The following NEB variants were observed in gnomAD, a reference collection of about 807,000 sequenced individuals.
NEB encodes nemaline myopathy type 2.
In NEB, 512 loss-of-function variants were observed where a neutral mutation model predicts 952.2. The ratio of observed to expected loss-of-function variants is 0.54; its 90% CI spans 0.50 to 0.58. NEB has a LOEUF of 0.58. Ranked by LOEUF, NEB falls within the 20% of genes least tolerant of loss-of-function variation. NEB has a pLI of 0.00. For synonymous variants in NEB, 2,900 were observed against 3,149.8 expected (o/e 0.92, Z 2.66); for missense variants, 8,428 against 9,231.1 (o/e 0.91, Z 3.56).
chr2:151,541,631 A>C, intron 135 of NEB, 80 bp from the exon 136 acceptor site: 1 of 1,134,554 alleles, frequency 8.8e-7, no homozygotes, highest in Non-Finnish European at 1.3e-6. Flanking sequence ...CACTGCTTTT[A>C]CATAGAAAAG....
chr2:151,564,093 G>T (rs2096247579), intron 117 of NEB, among the ~76,000 whole-genome samples, 163 bp from the exon 118 acceptor site: 1 of 151,782 alleles, frequency 6.6e-6, no homozygotes, highest in African/African-American at 2.4e-5. Flanking sequence ...CAGTTATTTG[G>T]TTTATTGCAA....
At chr2:151,513,522 A>G (rs372005148) in intron 160 of NEB, 58 bp downstream of exon 160, 5 of 1,248,338 alleles carry the variant, frequency 4.0e-6, no homozygotes, top group East Asian at 2.5e-5. Flanking sequence ...GGGACACTTT[A>G]TGTCCTTAAA....
chr2:151,666,441 A>G (rs2099217883), intron 40 of NEB, 40 bp from the exon 41 acceptor site: 1 of 1,581,350 alleles, frequency 6.3e-7, no homozygotes, highest in Non-Finnish European at 8.6e-7. Context: ...TGGCTAGCAT[A>G]GAAGTCTGAT....
At chr2:151,711,789 A>T (rs1270510971) in intron 10 of NEB, among the ~76,000 whole-genome samples, 1 of 152,202 alleles carries the variant, frequency 6.6e-6, no homozygotes, top group Non-Finnish European at 1.5e-5. Flanking sequence ...TAGGGTATAA[A>T]AATTGTAATA....
intron 17 of NEB, 55 bp downstream of exon 17, chr2:151,696,582 G>T: frequency 1.5e-6 from 2 of 1,319,114 alleles, no homozygotes; most frequent in Non-Finnish European, 2.2e-6. Context: ...TATGTATAGA[G>T]TTATGAAATG....
chr2:151,697,726 C>T, intron 13 of NEB, 78 bp from the exon 14 acceptor site: 1 of 924,836 alleles, frequency 1.1e-6, no homozygotes, highest in Non-Finnish European at 1.6e-6. Flanking sequence ...TTTTCTAACA[C>T]TAAACAAAAG....
In NEB at chr2:151,631,281, A is replaced by G. The variant is rs1475280445; in HGVS notation, c.9480T>C (p.Asp3160=). 5 of 1,613,728 alleles carry G rather than the reference A, an allele frequency of 3.1e-6. No individual in the cohort carries two copies. The African/African-American group carries it at 6.7e-5, about 22-fold the overall frequency. Residue 3160 remains aspartate, a synonymous_variant, in exon 66 of 182, where the codon GAT becomes GAC. Transcript: ENST00000397345. ...CGGTAGCTCTCTTGCACTTGACCACATCCATAGACCCAATGGGGACCCAGC... is the reference window on the plus strand; with the variant it reads ...CGGTAGCTCTCTTGCACTTGACCACGTCCATAGACCCAATGGGGACCCAGC... ...GIGWVPIGSM[D]VVKCKRATEI...
At chr2:151,492,333 CT>C (rs1198223698) in intron 177 of NEB, 52 bp from the exon 178 acceptor site, 43 of 1,591,688 alleles carry the variant, frequency 2.7e-5, no homozygotes, top group Non-Finnish European at 3.6e-5. Context: ...GACTATATCC[CT>C]TTTTACACAT....
chr2:151,541,550 A>G lies in NEB; in HGVS notation c.20579T>C (p.Leu6860Pro), dbSNP rs758503893. The change falls in exon 136 of 182, where the codon CTG becomes CCG. Residue 6860 changes from leucine (L) to proline (P), a missense_variant and splice_region_variant. By Grantham distance (98) the Leu-to-Pro change is moderately conservative. This residue lies in a region of NEB where 3,374 missense variants were observed against 3,651.5 expected (regional missense o/e 0.92). Transcript: ENST00000397345. ...VQELKTHLSE[L>P]VYRAAGKKQK... is the part of the protein sequence containing the mutation. The stretch of plus-strand genomic sequence containing the variant: ...CTTCTTGCCTGCAGCTCTGTAGACC[A>G]GCTAGACATAAACCAAGTTATCACC... 6.2e-7 allele frequency: 1 copy of G among 1,612,124 alleles called. No homozygotes were observed. Among genetic ancestry groups the G allele is most frequent in the South Asian group, 1.1e-5 (1 of 90,936 alleles).
intron 39 of NEB, 61 bp from the exon 40 acceptor site, chr2:151,667,972 T>C: frequency 2.3e-6 from 3 of 1,312,206 alleles, no homozygotes; most frequent in Non-Finnish European, 3.2e-6. Context: ...TGAAACAGAA[T>C]GCCAAAATGT....
At chr2:151,728,899 G>A (rs934645269) in intron 4 of NEB, among the ~76,000 whole-genome samples, 39 of 152,222 alleles carry the variant, frequency 2.6e-4, no homozygotes, top group African/African-American at 9.2e-4. Context: ...CCTAGGCATG[G>A]TTGACTGTGA....
chr2:151,612,323 C>A lies in NEB; in HGVS notation c.11668G>T (p.Val3890Phe), dbSNP rs746179607. 10 of 1,613,846 alleles carry A rather than the reference C, an allele frequency of 6.2e-6. No homozygotes were observed. Among genetic ancestry groups the A allele is most frequent in the Middle Eastern group, 1.6e-4 (1 of 6,062 alleles). ...TCTCCAGCTCTCTTCACTTTCTCGA[C>A]CTCTACAGAGCCAATGGGAACCCAT... Reference protein sequence around the residue: ...IGWVPIGSVEVEKVKRAGEIL... With the variant: ...IGWVPIGSVEFEKVKRAGEIL... Residue 3890 changes from valine to phenylalanine, a missense_variant, in exon 78 of 182, where the codon GTC becomes TTC. By Grantham distance (50) the Val-to-Phe change is conservative (BLOSUM62 -1). This residue lies in a region of NEB where 337 missense variants were observed against 297.5 expected (regional missense o/e 1.13). Transcript: ENST00000397345.
At chr2:151,681,960 T>C (rs2099417026) in intron 29 of NEB, among the ~76,000 whole-genome samples, 2 of 152,308 alleles carry the variant, frequency 1.3e-5, no homozygotes, top group Non-Finnish European at 2.9e-5. Flanking sequence ...AATAACAATG[T>C]GGTGTGTATT....
At chr2:151,548,997 G>A (rs1157241395) in intron 130 of NEB, among the ~76,000 whole-genome samples, 4 of 152,154 alleles carry the variant, frequency 2.6e-5, no homozygotes, top group Non-Finnish European at 4.4e-5. Context: ...GGATGGCCAC[G>A]ATTTCCCTAA....
chr2:151,687,763 A>G lies in NEB; in HGVS notation c.2416-30T>C, dbSNP rs756876031. The G allele has an allele frequency of 1.1e-5, 17 of 1,541,666 alleles. No homozygotes were observed. The Admixed American group carries it at 3.3e-4, about 30-fold the overall frequency. On this transcript the variant is annotated intron_variant, in intron 25 of 181. Coordinates refer to ENST00000397345, the MANE Select transcript of NEB (RefSeq NM_001164508.2). ...ACAAGAAAAATTCAGCAAAGGAATG[A>G]TAAGAACAACAGTGTAATCCAGTAA... is the stretch of plus-strand genomic sequence containing the variant.
intron 157 of NEB, among the ~76,000 whole-genome samples, 163 bp downstream of exon 157, chr2:151,516,291 TAACTG>T (rs2077652194): frequency 6.6e-6 from 1 of 152,216 alleles, no homozygotes; most frequent in Non-Finnish European, 1.5e-5. Context: ...TTTTAAAAAA[TAACTG>T]AACCATAGGA....
At chr2:151,499,194 T>A in intron 169 of NEB, 104 bp downstream of exon 169, 1 of 587,106 alleles carries the variant, frequency 1.7e-6, no homozygotes, top group Non-Finnish European at 2.9e-6. Context: ...AAAAGACAGG[T>A]CAAATTTTTT....
intron 117 of NEB, 94 bp from the exon 118 acceptor site, chr2:151,564,024 G>T: frequency 1.1e-6 from 1 of 893,396 alleles, no homozygotes; most frequent in Non-Finnish European, 1.7e-6. Context: ...AAACATGTAT[G>T]TTCAAGGCAA....
chr2:151,501,799 T>C (rs2064798261), intron 167 of NEB, among the ~76,000 whole-genome samples: 1 of 152,048 alleles, frequency 6.6e-6, no homozygotes, highest in South Asian at 2.1e-4. Context: ...ATCCATGAGT[T>C]GTTGGTAACA....
Sources: gnomAD v4.1 joint callset for allele counts (sites outside exome capture counted in the v4.1 genomes callset) on GRCh38, gnomAD v4.1.1 for gene constraint, gnomAD v4.1.1 regional missense constraint, MANE v1.5 for transcripts, NCBI Gene and HGNC (gene_info 2026-07-23, HGNC 2026-07-21) for gene names.